The following RSPRY1 variants were observed in gnomAD, a reference collection of about 807,000 sequenced individuals.
The protein encoded by RSPRY1 is RING finger and SPRY domain-containing protein 1.
Under a neutral mutation model 73.1 loss-of-function variants are expected in RSPRY1, and 23 were observed. The ratio of observed to expected loss-of-function variants is 0.31; its 90% confidence interval spans 0.23 to 0.45. The LOEUF (loss-of-function observed/expected upper bound fraction) is 0.45, where lower values mean the gene tolerates loss of function less well. RSPRY1 is among the 20% of genes least tolerant of loss of function. The pLI, the probability that RSPRY1 is intolerant of heterozygous loss-of-function variation, is 1.00. For missense variants in RSPRY1, 448 were observed against 698.7 expected (o/e 0.64, Z 4.05); for synonymous variants, 226 against 251.4 (o/e 0.90, Z 0.95).
Position 57,192,355 on chromosome 16 carries a change from C to T in RSPRY1, c.-156+5904C>T, listed in dbSNP as rs372622407. Reference sequence around the variant, plus strand: ...CCTGGGGGGAAAACCACAAGTACTACGGAATATTACATTTGTTTTTCTTCC... The same window carrying T: ...CCTGGGGGGAAAACCACAAGTACTATGGAATATTACATTTGTTTTTCTTCC... On this transcript the variant is annotated intron_variant, in intron 1 of 14. Transcript: ENST00000394420. 4.6e-5 allele frequency among the ~76,000 whole-genome samples: 7 copies of T among 152,282 alleles called. No individual in the cohort carries two copies. In the East Asian group the frequency reaches 9.6e-4, roughly 21 times the overall value.
At chr16:57,200,353 C>G (rs1274068662) in intron 1 of RSPRY1, among the ~76,000 whole-genome samples, 2 of 151,960 alleles carry the variant, frequency 1.3e-5, no homozygotes, top group African/African-American at 4.8e-5. Flanking sequence ...CTTTTCCCCA[C>G]CTTTCCCCCC....
intron 4 of RSPRY1, among the ~76,000 whole-genome samples, chr16:57,211,266 T>TAAAAA (rs531084194): frequency 7.5e-6 from 1 of 133,878 alleles, no homozygotes; most frequent in African/African-American, 2.8e-5. Context: ...TTGTCTCTGT[T>TAAAAA]AAAAAAAAAA....
chr16:57,226,408 G>A (rs759613507), intron 10 of RSPRY1, among the ~76,000 whole-genome samples: 1 of 152,172 alleles, frequency 6.6e-6, no homozygotes, highest in Non-Finnish European at 1.5e-5. Context: ...GCAGAGCAGT[G>A]GCGTGGGCTG....
intron 1 of RSPRY1, among the ~76,000 whole-genome samples, chr16:57,197,382 G>A (rs753876222): frequency 3.3e-5 from 5 of 152,128 alleles, no homozygotes; most frequent in African/African-American, 7.2e-5. Context: ...AGTATTTAGA[G>A]GTAACAGCTC....
chr16:57,211,573 A>G (rs2074844362), intron 4 of RSPRY1, among the ~76,000 whole-genome samples: 2 of 152,198 alleles, frequency 1.3e-5, no homozygotes, highest in South Asian at 2.1e-4. Context: ...CATCTCAACA[A>G]CAACAACAAA....
intron 1 of RSPRY1, among the ~76,000 whole-genome samples, 199 bp from the exon 2 acceptor site, chr16:57,204,305 C>T (rs2074682973): frequency 2.0e-5 from 3 of 152,112 alleles, no homozygotes; most frequent in Admixed American, 2.0e-4. Context: ...AACTTTGTAA[C>T]AGAATGATAA....
At chr16:57,204,106 G>C (rs2074678281) in intron 1 of RSPRY1, among the ~76,000 whole-genome samples, 1 of 151,694 alleles carries the variant, frequency 6.6e-6, no homozygotes, top group African/African-American at 2.4e-5. Flanking sequence ...TTTTTTTAAA[G>C]ATTTTTCTCT....
chr16:57,193,694 TA>T (rs1364998159), intron 1 of RSPRY1, among the ~76,000 whole-genome samples: 1 of 152,192 alleles, frequency 6.6e-6, no homozygotes, highest in Non-Finnish European at 1.5e-5. Context: ...TGTTTCTAGA[TA>T]ATGTTCTCTA....
chr16:57,194,491 T>C (rs2074404502), intron 1 of RSPRY1, among the ~76,000 whole-genome samples: 1 of 152,186 alleles, frequency 6.6e-6, no homozygotes, highest in Non-Finnish European at 1.5e-5. Context: ...CGAAAACATT[T>C]TCTAATGAGA....
At chr16:57,217,059 A>G (rs764010744) in intron 8 of RSPRY1, 24 bp downstream of exon 8, 1 of 1,613,720 alleles carries the variant, frequency 6.2e-7, no homozygotes, top group Non-Finnish European at 8.5e-7. Context: ...GTCCTTTATT[A>G]AAATGTCCGT....
chr16:57,189,074 A>G (rs1332604497), intron 1 of RSPRY1, among the ~76,000 whole-genome samples: 5 of 149,084 alleles, frequency 3.4e-5, no homozygotes, highest in African/African-American at 9.9e-5. Context: ...GCTCACTGCA[A>G]CCTCTGCCTC....
chr16:57,211,380 G>A (rs2074841812), intron 4 of RSPRY1, among the ~76,000 whole-genome samples: 1 of 152,056 alleles, frequency 6.6e-6, no homozygotes, highest in Non-Finnish European at 1.5e-5. Flanking sequence ...GACCAGCCTG[G>A]CCAACATGGT....
At chr16:57,187,468 A>G (rs1054211838) in intron 1 of RSPRY1, among the ~76,000 whole-genome samples, 3 of 152,290 alleles carry the variant, frequency 2.0e-5, no homozygotes, top group East Asian at 1.9e-4. Flanking sequence ...AGAATCCCGC[A>G]GTTTTCCAGG....
chr16:57,201,073 C>T (rs1247887504), intron 1 of RSPRY1, among the ~76,000 whole-genome samples: 3 of 152,132 alleles, frequency 2.0e-5, no homozygotes, highest in Non-Finnish European at 4.4e-5. Flanking sequence ...CCCCACCTCC[C>T]TCCCAGACGG....
chr16:57,197,842 A>G (rs1435485425), intron 1 of RSPRY1, among the ~76,000 whole-genome samples: 1 of 151,670 alleles, frequency 6.6e-6, no homozygotes, highest in Non-Finnish European at 1.5e-5. Flanking sequence ...TCCCACCTCA[A>G]CCTCCTGAGT....
At chr16:57,199,887 T>G (rs1255338624) in intron 1 of RSPRY1, among the ~76,000 whole-genome samples, 2 of 92,634 alleles carry the variant, frequency 2.2e-5, no homozygotes, top group Non-Finnish European at 4.6e-5. Flanking sequence ...ATTTTGTTTT[T>G]TTTGTTTGTT....
In RSPRY1 at chr16:57,230,853, C is replaced by T. The variant is rs184323418; in HGVS notation, c.1376+40C>T. The stretch of plus-strand genomic sequence containing the variant: ...TCAGTCAAAAATTCGAGTAGATGCA[C>T]GGAATGCCCTTTTCTCTAGGAAAAA... On this transcript the variant is annotated intron_variant, in intron 12 of 14. Coordinates refer to ENST00000394420, the MANE Select transcript of RSPRY1 (RefSeq NM_133368.3). 7.1e-5 allele frequency: 80 copies of T among 1,130,192 alleles called. 2 individuals are homozygous for T. Among genetic ancestry groups the T allele is most frequent in the Admixed American group, 2.6e-4 (15 of 57,202 alleles). The allele number at this position is 1,130,192 out of a possible 1,614,324, so 70.0% of individuals were successfully genotyped here.
chr16:57,207,317 T>C (rs2074744554), intron 2 of RSPRY1, among the ~76,000 whole-genome samples: 1 of 152,030 alleles, frequency 6.6e-6, no homozygotes, highest in South Asian at 2.1e-4. Context: ...ATGATAGTTT[T>C]TGGGGCTTTT....
chr16:57,218,602 C>CTTT (rs2074978564), intron 8 of RSPRY1, among the ~76,000 whole-genome samples: 1 of 151,866 alleles, frequency 6.6e-6, no homozygotes, highest in Non-Finnish European at 1.5e-5. Context: ...TCTTTCTGTG[C>CTTT]CTGACTTATT....
Sources: allele counts gnomAD v4.1 joint callset (sites outside exome capture counted in the v4.1 genomes callset), GRCh38; gene constraint gnomAD v4.1.1; transcripts MANE v1.5; gene names NCBI Gene and HGNC (gene_info 2026-07-23, HGNC 2026-07-21).